CADM2: variants seen among roughly 807,000 people sequenced by gnomAD.
CADM2 encodes the protein cell adhesion molecule 2.
A neutral mutation model predicts 49.8 loss-of-function variants in CADM2; 12 were observed. The ratio of observed to expected loss-of-function variants is 0.24; its 90% confidence interval spans 0.15 to 0.39. The LOEUF (loss-of-function observed/expected upper bound fraction) is 0.39, where lower values mean the gene tolerates loss of function less well. CADM2 is among the 10% of genes least tolerant of loss of function. The pLI is 1.00. For synonymous variants in CADM2, 214 were observed against 175.4 expected, an observed-to-expected ratio of 1.22 and a Z score of -1.74; for missense variants, 378 against 492.3, an observed-to-expected ratio of 0.77 and a Z score of 2.20.
chr3:85,156,345 C>G (rs1214490319), intron 1 of CADM2, among the ~76,000 whole-genome samples: 1 of 152,092 alleles, frequency 6.6e-6, no homozygotes, highest in Non-Finnish European at 1.5e-5. Flanking sequence ...ACTACAAACA[C>G]CTCTACACAA....
chr3:85,766,786 A>G (rs1399237300), intron 2 of CADM2, among the ~76,000 whole-genome samples: 2 of 152,130 alleles, frequency 1.3e-5, no homozygotes, highest in African/African-American at 4.8e-5. Flanking sequence ...ATATTGTTGA[A>G]TAGCAGGAGA....
At chr3:85,485,085 T>C (rs2107634695) in intron 1 of CADM2, among the ~76,000 whole-genome samples, 1 of 151,878 alleles carries the variant, frequency 6.6e-6, no homozygotes, top group Non-Finnish European at 1.5e-5. Flanking sequence ...AAAATGAAAA[T>C]AATAATTCAT....
intron 1 of CADM2, among the ~76,000 whole-genome samples, chr3:85,442,142 C>T (rs568333448): frequency 2.2e-4 from 34 of 152,022 alleles, no homozygotes; most frequent in African/African-American, 6.5e-4. Context: ...AGTTTTTATG[C>T]GCGTCATAAA....
chr3:85,956,646 T>C (rs1487135274), intron 7 of CADM2, among the ~76,000 whole-genome samples: 1 of 151,350 alleles, frequency 6.6e-6, no homozygotes, highest in Non-Finnish European at 1.5e-5. Flanking sequence ...TGTTATTTCC[T>C]TTGAGGAAGT....
At chr3:85,201,515 T>A (rs2041499465) in intron 1 of CADM2, among the ~76,000 whole-genome samples, 1 of 152,138 alleles carries the variant, frequency 6.6e-6, no homozygotes, top group South Asian at 2.1e-4. Context: ...TGTGACAATT[T>A]CTTAAAATAA....
chr3:85,430,437 G>C (rs998104980), intron 1 of CADM2, among the ~76,000 whole-genome samples: 20 of 152,034 alleles, frequency 1.3e-4, no homozygotes. Flanking sequence ...AGGATTGCTT[G>C]AGCCCCATAG....
chr3:85,246,748 T>A (rs947730634), intron 1 of CADM2, among the ~76,000 whole-genome samples: 1 of 152,130 alleles, frequency 6.6e-6, no homozygotes, highest in Admixed American at 6.5e-5. Flanking sequence ...GTGAAGAACA[T>A]ACAAGTGTTC....
chr3:85,233,805 T>G (rs1444050328), intron 1 of CADM2, among the ~76,000 whole-genome samples: 1 of 152,130 alleles, frequency 6.6e-6, no homozygotes, highest in East Asian at 1.9e-4. Flanking sequence ...CAAAATACAT[T>G]GTTAGCCAAA....
intron 1 of CADM2, among the ~76,000 whole-genome samples, chr3:85,676,906 A>G (rs1438212792): frequency 6.6e-6 from 1 of 152,122 alleles, no homozygotes; most frequent in African/African-American, 2.4e-5. Flanking sequence ...CTTATATCCC[A>G]TTCAATATAC....
intron 1 of CADM2, among the ~76,000 whole-genome samples, chr3:85,162,067 G>A (rs1255575895): frequency 6.6e-6 from 1 of 151,896 alleles, no homozygotes; most frequent in African/African-American, 2.4e-5. Context: ...TCTTTTAACC[G>A]TCAGTGATTG....
At chr3:85,894,340 C>T (rs544340844) in intron 5 of CADM2, among the ~76,000 whole-genome samples, 1 of 152,136 alleles carries the variant, frequency 6.6e-6, no homozygotes, top group Admixed American at 6.5e-5. Flanking sequence ...ACACCGGGAA[C>T]TGTTGTGGGG....
At chr3:85,414,398 G>A (rs1449638618) in intron 1 of CADM2, among the ~76,000 whole-genome samples, 1 of 152,166 alleles carries the variant, frequency 6.6e-6, no homozygotes, top group African/African-American at 2.4e-5. Context: ...AACATGTAGT[G>A]TGTCCTTTAA....
chr3:85,123,053 ATATAT>A (rs573397626), intron 1 of CADM2, among the ~76,000 whole-genome samples: 13 of 152,202 alleles, frequency 8.5e-5, no homozygotes, highest in Admixed American at 4.6e-4. Context: ...AAGATACATG[ATATAT>A]TATCTTATGT....
At chr3:84,980,585 G>T (rs985029638) in intron 1 of CADM2, among the ~76,000 whole-genome samples, 3 of 152,032 alleles carry the variant, frequency 2.0e-5, no homozygotes, top group African/African-American at 7.2e-5. Flanking sequence ...GTTTTATGTT[G>T]TACTGTTATC....
At chr3:85,075,925 G>A (rs962556214) in intron 1 of CADM2, among the ~76,000 whole-genome samples, 1 of 151,846 alleles carries the variant, frequency 6.6e-6, no homozygotes, top group East Asian at 1.9e-4. Flanking sequence ...TACATTAAAA[G>A]GCATGTTGGA....
At chr3:85,961,959 C>T (rs4508773) in intron 8 of CADM2, among the ~76,000 whole-genome samples, 46,692 of 151,348 alleles carry the variant, frequency 0.31, 8,383 homozygotes, top group East Asian at 0.41. Flanking sequence ...TTTTTGGAGA[C>T]AGAGTCTTGC....
intron 1 of CADM2, among the ~76,000 whole-genome samples, chr3:85,720,783 A>G (rs553393681): frequency 6.6e-6 from 1 of 152,290 alleles, no homozygotes; most frequent in Non-Finnish European, 1.5e-5. Flanking sequence ...AAAGAAAACA[A>G]AAAGAGGAGA....
intron 1 of CADM2, among the ~76,000 whole-genome samples, chr3:85,217,445 TG>T (rs2041954038): frequency 6.6e-6 from 1 of 152,052 alleles, no homozygotes; most frequent in Admixed American, 6.5e-5. Flanking sequence ...ACACACATTA[TG>T]TTGCATCTAA....
intron 1 of CADM2, among the ~76,000 whole-genome samples, chr3:85,520,584 C>T (rs1321818677): frequency 6.6e-6 from 1 of 151,898 alleles, no homozygotes; most frequent in Non-Finnish European, 1.5e-5. Context: ...TTGCCACTTT[C>T]CTATTTGAGT....
Sources: gnomAD v4.1 joint callset for allele counts (sites outside exome capture counted in the v4.1 genomes callset) on GRCh38, gnomAD v4.1.1 for gene constraint, MANE v1.5 for transcripts, NCBI Gene and HGNC (gene_info 2026-07-23, HGNC 2026-07-21) for gene names.